The following DAOA variants were observed in gnomAD, a reference collection of about 807,000 sequenced individuals.
DAOA encodes D-amino acid oxidase activator.
A neutral mutation model predicts 16.4 loss-of-function variants in DAOA; 15 were observed. The observed-to-expected ratio is 0.91, with a 90% CI of 0.61 to 1.41. The LOEUF (loss-of-function observed/expected upper bound fraction) is 1.41, where lower values mean the gene tolerates loss of function less well. DAOA is among the 40% of genes most tolerant of loss of function. The pLI, the probability that DAOA is intolerant of heterozygous loss-of-function variation, is 0.00. For missense variants in DAOA, 230 were observed against 176.8 expected (o/e 1.30, Z -1.71); for synonymous variants, 75 against 59.1 (o/e 1.27, Z -1.23).
chr13:105,482,822 A>G (rs754687814), intron 4 of DAOA, among the ~76,000 whole-genome samples: 10 of 152,046 alleles, frequency 6.6e-5, no homozygotes, highest in Non-Finnish European at 1.2e-4. Flanking sequence ...TAAGAGTTCA[A>G]ATGAAATTGT....
intron 4 of DAOA, among the ~76,000 whole-genome samples, chr13:105,481,820 C>T (rs77577705): frequency 0.034 from 5,134 of 152,198 alleles, 174 homozygotes; most frequent in African/African-American, 0.083. Context: ...CTAACAATCT[C>T]TCTCTCTCTA....
intron 4 of DAOA, among the ~76,000 whole-genome samples, chr13:105,489,410 G>C (rs892443583): frequency 6.6e-6 from 1 of 152,156 alleles, no homozygotes; most frequent in Non-Finnish European, 1.5e-5. Context: ...GTTCACATCA[G>C]GTTTGAATCA....
chr13:105,471,180 C>A lies in DAOA; in HGVS notation c.134-1358C>A, dbSNP rs558639337. 1.8e-3 allele frequency among the ~76,000 whole-genome samples: 279 copies of A among 152,302 alleles called. 1 individual carries two copies. The highest frequency in any genetic ancestry group is 6.4e-3 in the African/African-American group (268 of 41,570). On this transcript the variant is annotated intron_variant, in intron 3 of 5. Coordinates refer to ENST00000375936, the MANE Select transcript of DAOA (RefSeq NM_172370.5). ...CCTCAGGTGATCCGCCCCCCTTGGC[C>A]TCCCAAAGTGCTGGGATTATAGAAG...
chr13:105,490,014 G>A lies in DAOA; in HGVS notation c.395G>A (p.Cys132Tyr), dbSNP rs1878409125. The change falls in exon 5 of 6, where the codon TGC becomes TAC. Residue 132 changes from cysteine (C) to tyrosine (Y), a missense_variant. Transcript: ENST00000375936. ...RRQPLERMWT[C>Y]NYNQQKDQSC... ...CAGCCTCTAGAACGAATGTGGACCT[G>A]CAACTACAACCAGCAAAAAGACCAG... The A allele has an allele frequency of 1.2e-6, 2 of 1,611,104 alleles. No individual in the cohort carries two copies. The highest frequency in any genetic ancestry group is 2.7e-5 in the African/African-American group (2 of 74,766).
chr13:105,487,235 A>T (rs1346079027), intron 4 of DAOA, among the ~76,000 whole-genome samples: 1 of 152,140 alleles, frequency 6.6e-6, no homozygotes, highest in Non-Finnish European at 1.5e-5. Flanking sequence ...AGTCAAATGG[A>T]CTGGCTTCTG....
In DAOA at chr13:105,467,083, C is replaced by T; in HGVS notation, c.75C>T (p.Phe25=). The change falls in exon 3 of 6, where the codon TTC becomes TTT. Residue 25 remains phenylalanine (F), a synonymous_variant. Transcript: ENST00000375936. ...GATATACATTGGGTAAAATCTACTTCATAGGTTTTCAAAGGAGCATTCTTC... is the reference window on the plus strand; with the variant it reads ...GATATACATTGGGTAAAATCTACTTTATAGGTTTTCAAAGGAGCATTCTTC... The part of the protein sequence containing the change: ...RSRYTLGKIY[F]IGFQRSILLS... The T allele has an allele frequency of 2.5e-6, 4 of 1,611,282 alleles. No individual in the cohort carries two copies. Among genetic ancestry groups the T allele is most frequent in the South Asian group, 2.2e-5 (2 of 90,890 alleles).
intron 4 of DAOA, among the ~76,000 whole-genome samples, chr13:105,487,618 A>G (rs1878225325): frequency 6.6e-6 from 1 of 152,026 alleles, no homozygotes; most frequent in African/African-American, 2.4e-5. Flanking sequence ...TTGCAAGAAA[A>G]TAATCTAATG....
At chr13:105,489,157 C>A (rs916720154) in intron 4 of DAOA, among the ~76,000 whole-genome samples, 1 of 152,154 alleles carries the variant, frequency 6.6e-6, no homozygotes, top group African/African-American at 2.4e-5. Flanking sequence ...AACATCTGAG[C>A]TGGCTTTTAT....
At chr13:105,489,718 C>A in intron 4 of DAOA, 183 bp from the exon 5 acceptor site, 1 of 1,379,684 alleles carries the variant, frequency 7.2e-7, no homozygotes, top group Non-Finnish European at 9.7e-7. Context: ...CAGTTAGACC[C>A]TAAGTGACCC....
chr13:105,475,104 T>C (rs1877242677), intron 4 of DAOA: 1 of 939,120 alleles, frequency 1.1e-6, no homozygotes, highest in Non-Finnish European at 1.3e-6. Context: ...CCTAGTGAGA[T>C]AAGAAAGCAG....
intron 5 of DAOA, 79 bp from the exon 6 acceptor site, chr13:105,490,833 A>C (rs72549499): frequency 6.6e-6 from 1 of 152,024 alleles, no homozygotes; most frequent in Non-Finnish European, 1.5e-5. Flanking sequence ...TAAAATACCT[A>C]CTCAGAAGCA....
intron 3 of DAOA, among the ~76,000 whole-genome samples, chr13:105,469,914 T>G (rs1045611754): frequency 6.6e-6 from 1 of 152,206 alleles, no homozygotes; most frequent in Middle Eastern, 3.2e-3. Flanking sequence ...GCAAAGAGAA[T>G]CACTCTATGT....
intron 4 of DAOA, among the ~76,000 whole-genome samples, chr13:105,477,974 A>C (rs1275318792): frequency 6.6e-6 from 1 of 152,180 alleles, no homozygotes; most frequent in Non-Finnish European, 1.5e-5. Flanking sequence ...ACCAAAATAG[A>C]ATCTATCATT....
intron 3 of DAOA, 79 bp from the exon 4 acceptor site, chr13:105,472,459 C>T: frequency 6.8e-7 from 1 of 1,464,522 alleles, no homozygotes; most frequent in Non-Finnish European, 9.1e-7. Flanking sequence ...AATCGCTCCA[C>T]AGTCATTAAA....
At position 105,484,325 on chromosome 13, in the gene DAOA, G is replaced by A. The variant is rs188414149; in HGVS notation, c.282-5576G>A. Among the ~76,000 whole-genome samples, 367 of 151,902 alleles carry A rather than the reference G, an allele frequency of 2.4e-3. 1 individual carries two copies. The highest frequency in any genetic ancestry group is 8.0e-3 in the African/African-American group (330 of 41,452). On this transcript the variant is annotated intron_variant, in intron 4 of 5. Transcript: ENST00000375936. ...GTTACAGCTGTAACAATTCTTTTGCGTTTACATAGGAATTTTAAATTCAGC... is the reference window on the plus strand; with the variant it reads ...GTTACAGCTGTAACAATTCTTTTGCATTTACATAGGAATTTTAAATTCAGC...
intron 4 of DAOA, among the ~76,000 whole-genome samples, chr13:105,479,127 G>A (rs923257828): frequency 9.2e-5 from 14 of 152,080 alleles, no homozygotes; most frequent in African/African-American, 3.4e-4. Flanking sequence ...TCACCTTTTA[G>A]AACACAGCCC....
chr13:105,474,951 C>A, intron 4 of DAOA: 1 of 893,830 alleles, frequency 1.1e-6, no homozygotes, highest in Non-Finnish European at 1.3e-6. Context: ...CCGTTCTGAA[C>A]GAACATTCAC....
At chr13:105,486,165 A>T (rs930652296) in intron 4 of DAOA, among the ~76,000 whole-genome samples, 1 of 152,154 alleles carries the variant, frequency 6.6e-6, no homozygotes, top group African/African-American at 2.4e-5. Context: ...TATTTTAAGG[A>T]TGCTGTCCAG....
upstream of DAOA, chr13:105,465,926 T>C (rs1876481165): frequency 5.4e-6 from 1 of 184,510 alleles, no homozygotes. Context: ...CACAATAATT[T>C]AATATTTTAC....
Sources: gnomAD v4.1 joint callset for allele counts (sites outside exome capture counted in the v4.1 genomes callset) on GRCh38, gnomAD v4.1.1 for gene constraint, MANE v1.5 for transcripts, NCBI Gene and HGNC (gene_info 2026-07-23, HGNC 2026-07-21) for gene names.